PCED1B: variants seen among roughly 807,000 people sequenced by gnomAD.
PCED1B encodes the protein PC-esterase domain containing 1B.
For missense variants in PCED1B, 573 were observed against 573.9 expected (o/e 1.00, Z 0.02); for synonymous variants, 251 against 246.1 (o/e 1.02, Z -0.19).
rs376371876 is a variant in PCED1B, at chr12:47,096,447, T to C, written c.-608-7666T>C. Among the ~76,000 whole-genome samples, 14 of 150,680 alleles carry C rather than the reference T, an allele frequency of 9.3e-5. No individual in the cohort carries two copies. The East Asian group carries it at 2.5e-3, about 27-fold the overall frequency. On this transcript the variant is annotated intron_variant, in intron 1 of 3. Transcript: ENST00000546455. ...TTATATATTATATATTATATATGGA[T>C]AGATATAATAGTAATGTAATGTGTA...
intron 2 of PCED1B, among the ~76,000 whole-genome samples, chr12:47,133,599 C>T (rs576211425): frequency 6.6e-6 from 1 of 152,242 alleles, no homozygotes; most frequent in Non-Finnish European, 1.5e-5. Context: ...CTAATAAAAT[C>T]CTGGTGTGCA....
At chr12:47,122,502 G>A (rs1404844765) in intron 2 of PCED1B, among the ~76,000 whole-genome samples, 2 of 152,194 alleles carry the variant, frequency 1.3e-5, no homozygotes, top group Non-Finnish European at 2.9e-5. Context: ...TATGTCCTCA[G>A]TAATAGAAAA....
At chr12:47,157,001 T>TA (rs1370503171) in intron 2 of PCED1B, among the ~76,000 whole-genome samples, 1 of 152,136 alleles carries the variant, frequency 6.6e-6, no homozygotes, top group Non-Finnish European at 1.5e-5. Flanking sequence ...TCTCAATAAA[T>TA]ATTATAGTAA....
chr12:47,177,891 G>C (rs1817131654), intron 2 of PCED1B, among the ~76,000 whole-genome samples: 1 of 152,068 alleles, frequency 6.6e-6, no homozygotes, highest in Admixed American at 6.6e-5. Flanking sequence ...AGGTTGCGGT[G>C]AGCCGAGATC....
intron 2 of PCED1B, among the ~76,000 whole-genome samples, chr12:47,116,651 A>G (rs1423330034): frequency 6.6e-6 from 1 of 152,218 alleles, no homozygotes; most frequent in East Asian, 1.9e-4. Flanking sequence ...CAATCTAAAT[A>G]TTAATTATTC....
At chr12:47,080,330 A>G (rs994101949) in intron 1 of PCED1B, among the ~76,000 whole-genome samples, 17 of 152,140 alleles carry the variant, frequency 1.1e-4, no homozygotes, top group African/African-American at 3.6e-4. Context: ...GCGGCCGCAC[A>G]GGTCACGTCT....
At chr12:47,124,956 CTG>C (rs1043922841) in intron 2 of PCED1B, among the ~76,000 whole-genome samples, 9 of 152,032 alleles carry the variant, frequency 5.9e-5, no homozygotes, top group African/African-American at 2.2e-4. Context: ...CTCTCCCAAT[CTG>C]TGCTTGAATT....
At chr12:47,094,233 ATAT>A (rs1364300484) in intron 1 of PCED1B, among the ~76,000 whole-genome samples, 1 of 152,012 alleles carries the variant, frequency 6.6e-6, no homozygotes, top group African/African-American at 2.4e-5. Flanking sequence ...ACATTGTCTG[ATAT>A]TAGTATAGCT....
chr12:47,161,096 T>C (rs1941363249), intron 2 of PCED1B, among the ~76,000 whole-genome samples: 1 of 152,234 alleles, frequency 6.6e-6, no homozygotes, highest in South Asian at 2.1e-4. Flanking sequence ...GCTGGCACTA[T>C]CTTTCTTGAA....
In PCED1B at chr12:47,193,408, C is replaced by T. The variant is rs148880597; in HGVS notation, c.-525-22814C>T. On this transcript the variant is annotated intron_variant, in intron 2 of 3. Transcript: ENST00000546455. ...CCTGCTCACAATTCCTGAATTCCTG[C>T]CCCCTTCCCCCTTTCCACTCCAGTC... is the stretch of plus-strand genomic sequence containing the variant. Among the ~76,000 whole-genome samples the T allele has an allele frequency of 5.4e-3, 828 of 152,266 alleles. 2 individuals carry two copies. The highest frequency in any genetic ancestry group is 8.2e-3 in the African/African-American group (342 of 41,552).
At chr12:47,110,725 T>G (rs532624651) in intron 2 of PCED1B, among the ~76,000 whole-genome samples, 48 of 152,376 alleles carry the variant, frequency 3.2e-4, no homozygotes, top group African/African-American at 1.1e-3. Context: ...TGAGGTTCCC[T>G]GAGAAGCTGC....
chr12:47,222,422 CAAA>C (rs750444043), intron 3 of PCED1B, among the ~76,000 whole-genome samples: 83 of 81,594 alleles, frequency 1.0e-3, no homozygotes, highest in Non-Finnish European at 9.5e-4. Flanking sequence ...AACTCCATCT[CAAA>C]AAAAAAAAAA....
intron 1 of PCED1B, among the ~76,000 whole-genome samples, chr12:47,097,483 C>T (rs962334597): frequency 3.9e-5 from 6 of 152,164 alleles, no homozygotes; most frequent in Admixed American, 2.6e-4. Context: ...TTATTTTAGT[C>T]CTTCTGCTTA....
At chr12:47,195,176 A>C (rs1306209638) in intron 2 of PCED1B, among the ~76,000 whole-genome samples, 1 of 152,092 alleles carries the variant, frequency 6.6e-6, no homozygotes, top group Non-Finnish European at 1.5e-5. Context: ...TAAAAATACA[A>C]AAATCAGCCG....
chr12:47,217,895 T>A (rs1365879316), intron 3 of PCED1B, among the ~76,000 whole-genome samples: 1 of 152,172 alleles, frequency 6.6e-6, no homozygotes, highest in Non-Finnish European at 1.5e-5. Flanking sequence ...TTAAGAAGAA[T>A]AAAGAGATAA....
chr12:47,082,622 A>G (rs769068829), intron 1 of PCED1B, among the ~76,000 whole-genome samples: 5 of 152,236 alleles, frequency 3.3e-5, no homozygotes, highest in Non-Finnish European at 5.9e-5. Context: ...TATGCCAGAC[A>G]CTGAGCTATG....
chr12:47,229,111 C>A (rs933239840), intron 3 of PCED1B, among the ~76,000 whole-genome samples: 1 of 151,530 alleles, frequency 6.6e-6, no homozygotes, highest in Non-Finnish European at 1.5e-5. Flanking sequence ...ATCCAAAATG[C>A]TTGGAATAAA....
intron 2 of PCED1B, among the ~76,000 whole-genome samples, chr12:47,131,475 G>A (rs1383520144): frequency 6.6e-6 from 1 of 152,108 alleles, no homozygotes; most frequent in Non-Finnish European, 1.5e-5. Context: ...GAGCATCCAG[G>A]TGTGTACACC....
At chr12:47,223,464 G>A (rs1211092277) in intron 3 of PCED1B, 1 of 152,216 alleles carries the variant, frequency 6.6e-6, no homozygotes, top group Non-Finnish European at 1.5e-5. Flanking sequence ...TGGCCTTGGA[G>A]TGGAGGCAAA....
Sources: gnomAD v4.1 joint callset for allele counts (sites outside exome capture counted in the v4.1 genomes callset) on GRCh38, gnomAD v4.1.1 for gene constraint, MANE v1.5 for transcripts, NCBI Gene and HGNC (gene_info 2026-07-23, HGNC 2026-07-21) for gene names.